Variants in TBK1 observed in about 807,000 individuals in gnomAD.
TBK1 encodes serine/threonine-protein kinase TBK1.
A neutral mutation model predicts 99.9 loss-of-function variants in TBK1; 37 were observed. The ratio of observed to expected loss-of-function variants is 0.37; its 90% CI spans 0.28 to 0.49. The LOEUF (loss-of-function observed/expected upper bound fraction) is 0.49, where lower values mean the gene tolerates loss of function less well. TBK1 is among the 20% of genes least tolerant of loss of function. The pLI is 0.98. For missense variants in TBK1, 644 were observed against 872.5 expected (o/e 0.74, Z 3.30); for synonymous variants, 258 against 279.8 (o/e 0.92, Z 0.78).
chr12:64,459,930 A>T (rs1359317024), intron 2 of TBK1, among the ~76,000 whole-genome samples: 6 of 152,132 alleles, frequency 3.9e-5, no homozygotes, highest in African/African-American at 9.7e-5. Flanking sequence ...CTGTATCCTC[A>T]TGAAAGGTTT....
At chr12:64,457,621 T>G (rs1418626460) in intron 2 of TBK1, among the ~76,000 whole-genome samples, 1 of 152,120 alleles carries the variant, frequency 6.6e-6, no homozygotes, top group Non-Finnish European at 1.5e-5. Flanking sequence ...CAAGATTGAT[T>G]AGAAAGGAAG....
rs1348079445 is a variant in TBK1, at chr12:64,457,843, TTAGAC to T, written c.87+1889_87+1893del. ...GAATAAGTGAATGAATGAGGACTGATTAGACTACCCCAAGACAACCTAAAGTTCTC... is the reference window on the plus strand; with the variant it reads ...GAATAAGTGAATGAATGAGGACTGATTACCCCAAGACAACCTAAAGTTCTC... On this transcript the variant is annotated intron_variant, in intron 2 of 20. Transcript: ENST00000331710. Among the ~76,000 whole-genome samples the T allele has an allele frequency of 4.6e-5, 7 of 152,330 alleles. No individual in the cohort carries two copies. In the East Asian group the frequency reaches 1.3e-3, roughly 29 times the overall value.
chr12:64,466,403 A>G (rs2040604861), intron 4 of TBK1, among the ~76,000 whole-genome samples: 1 of 152,066 alleles, frequency 6.6e-6, no homozygotes, highest in Admixed American at 6.5e-5. Flanking sequence ...ATGAGAATAC[A>G]TTTTTACAGA....
Position 64,491,127 on chromosome 12 carries a change from C to T in TBK1, c.1521+1008C>T, listed in dbSNP as rs78710478. Among the ~76,000 whole-genome samples the T allele has an allele frequency of 9.5e-3, 1,444 of 152,012 alleles. 21 individuals are homozygous for T. Among genetic ancestry groups the T allele is most frequent in the African/African-American group, 0.032 (1,347 of 41,456 alleles). On this transcript the variant is annotated intron_variant, in intron 13 of 20. Coordinates refer to ENST00000331710, the MANE Select transcript of TBK1 (RefSeq NM_013254.4). The stretch of plus-strand genomic sequence containing the variant: ...CTTATTAACATGTATTATAGAAGTG[C>T]GCAGGTTTATATATTAGTAATCAGT...
At chr12:64,458,526 T>C (rs2040514144) in intron 2 of TBK1, among the ~76,000 whole-genome samples, 1 of 150,252 alleles carries the variant, frequency 6.7e-6, no homozygotes, top group South Asian at 2.1e-4. Flanking sequence ...TATATATATA[T>C]ATATATGGAT....
At position 64,458,439 on chromosome 12, in the gene TBK1, G is replaced by T. The variant is rs1035121519; in HGVS notation, c.88-1750G>T. The stretch of plus-strand genomic sequence containing the variant: ...AGTATGAGTGTGGGTGTGTGTATAT[G>T]TGTGTGATTACCATGGTGAAGTTTA... On this transcript the variant is annotated intron_variant, in intron 2 of 20. Coordinates refer to ENST00000331710, the MANE Select transcript of TBK1 (RefSeq NM_013254.4). Among the ~76,000 whole-genome samples the T allele has an allele frequency of 1.4e-4, 22 of 151,814 alleles. 1 individual carries two copies. Among genetic ancestry groups the T allele is most frequent in the South Asian group, 6.2e-4 (3 of 4,812 alleles).
At chr12:64,484,205 G>A in intron 8 of TBK1, 98 bp from the exon 9 acceptor site, 2 of 759,288 alleles carry the variant, frequency 2.6e-6, no homozygotes, top group Non-Finnish European at 4.2e-6. Context: ...TGATATTAGG[G>A]ATATGAATTA....
rs1565824278 is a variant in TBK1 at position 64,495,926 on chromosome 12, T to TTA, written c.1720+151_1720+152insTA. ...CTGTCAGGAAAAAGGTTGATTGTGTTAAAAAAAAAAAAAAAAACTATCCTT... is the reference window on the plus strand; with the variant it reads ...CTGTCAGGAAAAAGGTTGATTGTGTTTAAAAAAAAAAAAAAAAAACTATCCTT... On this transcript the variant is annotated intron_variant, in intron 15 of 20. Coordinates refer to ENST00000331710, the MANE Select transcript of TBK1 (RefSeq NM_013254.4). The TTA allele has an allele frequency of 2.8e-3, 1,065 of 384,938 alleles. 1 individual carries two copies. Among genetic ancestry groups the TTA allele is most frequent in the South Asian group, 4.0e-3 (85 of 21,464 alleles). 23.8% of individuals were successfully genotyped at this position (384,938 alleles called of 1,614,324 possible).
chr12:64,485,118 C>A (rs141508010), intron 9 of TBK1, among the ~76,000 whole-genome samples: 1 of 151,890 alleles, frequency 6.6e-6, no homozygotes, highest in Admixed American at 6.6e-5. Context: ...TTTTTAGAAT[C>A]TTTTAAATTA....
At chr12:64,497,621 CTTT>C (rs71092972) in intron 18 of TBK1, 24 bp from the exon 19 acceptor site, 1,632 of 1,020,074 alleles carry the variant, frequency 1.6e-3, no homozygotes, top group South Asian at 2.7e-3. Context: ...GGGTTTTTTT[CTTT>C]TTTTTTTTTT....
rs754309189 is a variant in TBK1, at chr12:64,488,510, A to T, written c.1364A>T (p.Asn455Ile). ...WLIELIKDDY[N>I]ETVHKKTEVV... ...AGTGAATTAATTAAAGATGATTACA[A>T]TGAAACTGTTCACAAAAAGACAGAA... is the stretch of plus-strand genomic sequence containing the variant. The change falls in exon 12 of 21, where the codon AAT (asparagine) becomes ATT (isoleucine). Residue 455 changes from asparagine to isoleucine, a missense_variant. Transcript: ENST00000331710. 7 of 1,597,284 alleles carry T rather than the reference A, an allele frequency of 4.4e-6. No individual in the cohort carries two copies. In the African/African-American group the frequency reaches 6.7e-5, roughly 15 times the overall value.
chr12:64,475,049 T>C (rs1392979409), intron 6 of TBK1, among the ~76,000 whole-genome samples: 14 of 152,054 alleles, frequency 9.2e-5, no homozygotes, highest in African/African-American at 3.4e-4. Flanking sequence ...TCCCAGGAGA[T>C]TGAGGCTGCT....
intron 2 of TBK1, among the ~76,000 whole-genome samples, chr12:64,458,312 A>G (rs1264781603): frequency 6.6e-6 from 1 of 152,072 alleles, no homozygotes; most frequent in Non-Finnish European, 1.5e-5. Flanking sequence ...TAGCCCTTTT[A>G]TATTATTTCT....
At chr12:64,453,508 C>G (rs1473423633) in intron 1 of TBK1, among the ~76,000 whole-genome samples, 3 of 152,068 alleles carry the variant, frequency 2.0e-5, no homozygotes, top group Non-Finnish European at 4.4e-5. Context: ...TAAAGTTTAT[C>G]TAAATTAGAT....
rs748333708 is a variant in TBK1, at chr12:64,480,131, G to C, written c.812+9G>C. 6.3e-7 allele frequency: 1 copy of C among 1,598,062 alleles called. No individual in the cohort carries two copies. The highest frequency in any genetic ancestry group is 8.5e-7 in the Non-Finnish European group (1 of 1,169,828). On this transcript the variant is annotated intron_variant, in intron 7 of 20. Coordinates refer to ENST00000331710, the MANE Select transcript of TBK1 (RefSeq NM_013254.4). Reference sequence around the variant, plus strand: ...TCTTGCAGTCTTTCTCGGTAAGTATGGTGTACCTAATTCTCATCTTTTGCA... The same window carrying C: ...TCTTGCAGTCTTTCTCGGTAAGTATCGTGTACCTAATTCTCATCTTTTGCA...
At chr12:64,477,029 A>G (rs562016311) in intron 6 of TBK1, among the ~76,000 whole-genome samples, 1 of 152,108 alleles carries the variant, frequency 6.6e-6, no homozygotes, top group East Asian at 1.9e-4. Context: ...CAGTCTGTGT[A>G]TCTGTTTTTG....
chr12:64,461,765 C>G (rs941208726), intron 3 of TBK1, among the ~76,000 whole-genome samples: 1 of 152,194 alleles, frequency 6.6e-6, no homozygotes, highest in Non-Finnish European at 1.5e-5. Flanking sequence ...CCATGACACT[C>G]AGGTTTGGTA....
In TBK1 at chr12:64,497,238, A is replaced by T; in HGVS notation, c.1938A>T (p.Lys646Asn). The change falls in exon 18 of 21, where the codon AAA becomes AAT. Residue 646 changes from lysine to asparagine, a missense_variant. By Grantham distance (94) the Lys-to-Asn change is moderately conservative (BLOSUM62 0). Coordinates refer to ENST00000331710, the MANE Select transcript of TBK1 (RefSeq NM_013254.4). ...QCFDIEEEVSKYQEYTNELQE... is the reference protein window; with the variant it reads ...QCFDIEEEVSNYQEYTNELQE... ...TTGATATTGAAGAAGAAGTATCAAAATATCAAGAATATACTAATGAGGTAG... is the reference window on the plus strand; with the variant it reads ...TTGATATTGAAGAAGAAGTATCAAATTATCAAGAATATACTAATGAGGTAG... 1 of 1,592,070 alleles carries T rather than the reference A, an allele frequency of 6.3e-7. No homozygotes were observed. The highest frequency in any genetic ancestry group is 8.6e-7 in the Non-Finnish European group (1 of 1,166,618).
chr12:64,499,925 T>C (rs1168418305), intron 20 of TBK1, among the ~76,000 whole-genome samples: 1 of 151,984 alleles, frequency 6.6e-6, no homozygotes, highest in Non-Finnish European at 1.5e-5. Context: ...CTCAATCTCT[T>C]GACCTCGTGA....
Sources: gnomAD v4.1 joint callset for allele counts (sites outside exome capture counted in the v4.1 genomes callset) on GRCh38, gnomAD v4.1.1 for gene constraint, MANE v1.5 for transcripts, NCBI Gene and HGNC (gene_info 2026-07-23, HGNC 2026-07-21) for gene names.